GRM8: variants seen among roughly 807,000 people sequenced by gnomAD.
GRM8 encodes the protein metabotropic glutamate receptor 8.
GRM8 carries 47 observed loss-of-function variants against 87.2 expected under a neutral mutation model. That is an observed-to-expected ratio of 0.54 (90% CI 0.43 to 0.69). The LOEUF (loss-of-function observed/expected upper bound fraction) is 0.69, where lower values mean the gene tolerates loss of function less well. GRM8 is among the 30% of genes least tolerant of loss of function. The pLI is 0.00. For missense variants in GRM8, 1,019 were observed against 1,139.2 expected (o/e 0.89, Z 1.52); for synonymous variants, 396 against 404.5 (o/e 0.98, Z 0.25).
chr7:127,187,550 C>T (rs551778369), intron 2 of GRM8, among the ~76,000 whole-genome samples: 6 of 152,262 alleles, frequency 3.9e-5, no homozygotes, highest in East Asian at 3.9e-4. Flanking sequence ...AGATAATCTC[C>T]GAAGCTACCA....
At chr7:126,552,263 T>C (rs952991273) in intron 8 of GRM8, among the ~76,000 whole-genome samples, 2 of 152,166 alleles carry the variant, frequency 1.3e-5, no homozygotes, top group Non-Finnish European at 2.9e-5. Flanking sequence ...TGAACTCCTC[T>C]ATTAGTTTTA....
At chr7:127,083,970 C>G (rs983490128) in intron 3 of GRM8, among the ~76,000 whole-genome samples, 1 of 152,042 alleles carries the variant, frequency 6.6e-6, no homozygotes, top group Non-Finnish European at 1.5e-5. Flanking sequence ...ACATACTACC[C>G]GGAAATATGA....
chr7:126,484,833 A>C (rs1004852043), intron 9 of GRM8, among the ~76,000 whole-genome samples: 1 of 151,980 alleles, frequency 6.6e-6, no homozygotes, highest in Admixed American at 6.6e-5. Context: ...CCATTTTTGG[A>C]AAGCTGGGTA....
intron 2 of GRM8, among the ~76,000 whole-genome samples, chr7:127,168,356 C>T (rs1475242202): frequency 6.6e-6 from 1 of 151,898 alleles, no homozygotes; most frequent in East Asian, 1.9e-4. Context: ...TCAGGAAACA[C>T]ATCCTAGAGA....
At chr7:126,590,396 A>T (rs1796567440) in intron 8 of GRM8, among the ~76,000 whole-genome samples, 1 of 152,040 alleles carries the variant, frequency 6.6e-6, no homozygotes, top group South Asian at 2.1e-4. Flanking sequence ...TAAATGACCA[A>T]ACCTAAGAAT....
intron 6 of GRM8, among the ~76,000 whole-genome samples, chr7:126,824,635 A>C (rs1794597695): frequency 1.3e-5 from 2 of 152,246 alleles, no homozygotes; most frequent in South Asian, 4.1e-4. Context: ...TCTATTTGTC[A>C]GGTCACAGTC....
chr7:127,165,296 G>C (rs1259865682), intron 2 of GRM8, among the ~76,000 whole-genome samples: 1 of 150,540 alleles, frequency 6.6e-6, no homozygotes, highest in African/African-American at 2.4e-5. Flanking sequence ...CTTTCTAAAA[G>C]GGTGACATTT....
intron 3 of GRM8, among the ~76,000 whole-genome samples, chr7:127,083,142 A>G (rs1823050354): frequency 6.6e-6 from 1 of 152,204 alleles, no homozygotes; most frequent in African/African-American, 2.4e-5. Context: ...ACACTTGTGC[A>G]CTTAACAGAA....
chr7:126,707,688 A>G (rs568919261), intron 7 of GRM8, among the ~76,000 whole-genome samples: 4 of 152,312 alleles, frequency 2.6e-5, no homozygotes, highest in African/African-American at 9.6e-5. Flanking sequence ...CATTTGAAAC[A>G]CTATCTACAT....
intron 3 of GRM8, among the ~76,000 whole-genome samples, chr7:126,988,738 T>C (rs1447449313): frequency 6.6e-6 from 1 of 152,254 alleles, no homozygotes; most frequent in Admixed American, 6.5e-5. Flanking sequence ...TTATTTTGGA[T>C]AACAGGAACA....
chr7:127,163,324 G>T (rs556822922), intron 2 of GRM8, among the ~76,000 whole-genome samples: 1 of 152,066 alleles, frequency 6.6e-6, no homozygotes, highest in African/African-American at 2.4e-5. Flanking sequence ...TGAGAAAGTA[G>T]GAAAGACAAA....
intron 2 of GRM8, among the ~76,000 whole-genome samples, chr7:127,117,463 T>A (rs1226360758): frequency 6.6e-6 from 1 of 152,220 alleles, no homozygotes; most frequent in African/African-American, 2.4e-5. Flanking sequence ...TTTGATATCT[T>A]CTTGGAAAAG....
intron 7 of GRM8, among the ~76,000 whole-genome samples, chr7:126,690,287 G>T (rs1290989454): frequency 6.6e-6 from 1 of 152,230 alleles, no homozygotes; most frequent in Non-Finnish European, 1.5e-5. Flanking sequence ...GGCAGGCACG[G>T]AGTGGTGAGG....
intron 9 of GRM8, among the ~76,000 whole-genome samples, chr7:126,507,458 C>A (rs943013474): frequency 6.6e-6 from 1 of 152,062 alleles, no homozygotes; most frequent in Non-Finnish European, 1.5e-5. Flanking sequence ...ATATTGGCTA[C>A]AAATATATCA....
chr7:126,937,589 T>A (rs1190626590), intron 3 of GRM8, among the ~76,000 whole-genome samples: 2 of 152,194 alleles, frequency 1.3e-5, no homozygotes, highest in African/African-American at 4.8e-5. Context: ...GACAGGGAGT[T>A]ATACCCAGAG....
intron 3 of GRM8, among the ~76,000 whole-genome samples, chr7:127,085,947 T>C (rs1823427422): frequency 1.3e-5 from 2 of 152,202 alleles, no homozygotes; most frequent in South Asian, 2.1e-4. Flanking sequence ...GGTCTTACAT[T>C]TAAGTCTTTA....
chr7:126,870,966 A>G (rs1348199729), intron 6 of GRM8, among the ~76,000 whole-genome samples: 1 of 152,210 alleles, frequency 6.6e-6, no homozygotes, highest in Admixed American at 6.5e-5. Flanking sequence ...CCATTTTTTG[A>G]GAGGAAAACT....
chr7:126,757,936 A>G (rs1424666274), intron 7 of GRM8, among the ~76,000 whole-genome samples: 1 of 152,168 alleles, frequency 6.6e-6, no homozygotes, highest in East Asian at 1.9e-4. Context: ...TAAGGTTCTA[A>G]TAAGAAATCA....
At chr7:127,055,471 A>G (rs888292403) in intron 3 of GRM8, among the ~76,000 whole-genome samples, 17 of 152,204 alleles carry the variant, frequency 1.1e-4, no homozygotes, top group African/African-American at 3.4e-4. Context: ...AGAATATTGT[A>G]TAGGGAATTA....
Sources: gnomAD v4.1 joint callset for allele counts (sites outside exome capture counted in the v4.1 genomes callset) on GRCh38, gnomAD v4.1.1 for gene constraint, MANE v1.5 for transcripts, NCBI Gene and HGNC (gene_info 2026-07-23, HGNC 2026-07-21) for gene names.